The following ZNF207 variants were observed in gnomAD, a reference collection of about 807,000 sequenced individuals.
ZNF207 encodes the protein zinc finger protein 207.
A neutral mutation model predicts 60.2 loss-of-function variants in ZNF207; 24 were observed. That is an observed-to-expected ratio of 0.40 (90% CI 0.29 to 0.56). The LOEUF (loss-of-function observed/expected upper bound fraction) is 0.56. Among genes scored for constraint, ZNF207 ranks in the 20% least tolerant of loss-of-function variants. The pLI, the probability that ZNF207 is intolerant of heterozygous loss-of-function variation, is 0.49. For synonymous variants in ZNF207, 236 were observed against 194.7 expected (o/e 1.21, Z -1.77); for missense variants, 452 against 636.6 (o/e 0.71, Z 3.12).
Position 32,366,763 on chromosome 17 carries a change from C to A in ZNF207, c.921+6C>A. The A allele has an allele frequency of 6.3e-7, 1 of 1,590,100 alleles. No individual in the cohort carries two copies. Among genetic ancestry groups the A allele is most frequent in the Non-Finnish European group, 8.5e-7 (1 of 1,170,846 alleles). On this transcript the variant is annotated splice_donor_region_variant and intron_variant, in intron 9 of 11. Coordinates refer to ENST00000394670, the MANE Select transcript of ZNF207 (RefSeq NM_001098507.2). Reference sequence around the variant, plus strand: ...TGTTTCCTAGCACAGCACAAGTACGCAGGAAGTTGCAGTTTAAAATTGTTA... The same window carrying A: ...TGTTTCCTAGCACAGCACAAGTACGAAGGAAGTTGCAGTTTAAAATTGTTA...
At position 32,371,059 on chromosome 17, in the gene ZNF207, G is replaced by T. The variant is rs958290135; in HGVS notation, c.*1300G>T. The T allele has an allele frequency of 6.6e-6, 1 of 152,168 alleles. No homozygotes were observed. 9.4% of individuals were successfully genotyped at this position (152,168 alleles called of 1,614,324 possible). A position where few individuals can be genotyped will look rare whatever the true frequency, so the allele number is the denominator to read the frequency against. ...TTACAGAGAGCTTTTCTGTAGAGAT[G>T]ACTGCTATTCAATATTTTGTGTTGC... On this transcript the variant is annotated 3_prime_UTR_variant, in exon 12 of 12. Coordinates refer to ENST00000394670, the MANE Select transcript of ZNF207 (RefSeq NM_001098507.2).
At chr17:32,363,738 GC>G (rs1905017856) in intron 7 of ZNF207, among the ~76,000 whole-genome samples, 1 of 151,130 alleles carries the variant, frequency 6.6e-6, no homozygotes, top group African/African-American at 2.4e-5. Flanking sequence ...CGCCATGTCG[GC>G]CAGCTGGTCT....
chr17:32,360,429 A>G (rs2150794576), intron 3 of ZNF207, among the ~76,000 whole-genome samples, 169 bp from the exon 4 acceptor site: 1 of 152,288 alleles, frequency 6.6e-6, no homozygotes, highest in African/African-American at 2.4e-5. Flanking sequence ...ATCTTGTTTA[A>G]TATAGGGCGA....
chr17:32,357,995 G>A (rs1904650585), intron 2 of ZNF207, among the ~76,000 whole-genome samples: 1 of 151,980 alleles, frequency 6.6e-6, no homozygotes, highest in Non-Finnish European at 1.5e-5. Context: ...TGGCCAGGCT[G>A]GTCTCAAACT....
At position 32,366,596 on chromosome 17, in the gene ZNF207, C is replaced by G. The variant is rs1905173805; in HGVS notation, c.829-69C>G. 25 of 1,323,984 alleles carry G rather than the reference C, an allele frequency of 1.9e-5. No individual in the cohort carries two copies. In the East Asian group the frequency reaches 2.1e-4, roughly 11 times the overall value. 82.0% of individuals were successfully genotyped at this position (1,323,984 alleles called of 1,614,324 possible). ...ACAAATATGCAATCTACTAAAAAGT[C>G]TACCACATGGCTTATTTTGACCCAT... On this transcript the variant is annotated intron_variant, in intron 8 of 11. Coordinates refer to ENST00000394670, the MANE Select transcript of ZNF207 (RefSeq NM_001098507.2).
intron 1 of ZNF207, chr17:32,351,505 C>T (rs915622662): frequency 6.7e-6 from 10 of 1,495,696 alleles, no homozygotes; most frequent in Non-Finnish European, 8.8e-6. Context: ...ACAAAAGTTT[C>T]ACCGACATCT....
intron 1 of ZNF207, chr17:32,351,377 A>G (rs2041504501): frequency 9.7e-7 from 1 of 1,026,134 alleles, no homozygotes; most frequent in South Asian, 1.9e-5. Flanking sequence ...TTCCTAATCC[A>G]GTTATTGCTA....
At chr17:32,363,816 C>T (rs1175716193) in intron 7 of ZNF207, among the ~76,000 whole-genome samples, 1 of 151,714 alleles carries the variant, frequency 6.6e-6, no homozygotes, top group African/African-American at 2.4e-5. Context: ...CAGGCGTGAG[C>T]CACTGTGCCC....
intron 2 of ZNF207, among the ~76,000 whole-genome samples, chr17:32,356,887 T>C (rs1425387758): frequency 1.3e-5 from 2 of 152,258 alleles, no homozygotes; most frequent in East Asian, 3.9e-4. Context: ...AATAAACATG[T>C]TAAAGTGCCT....
At position 32,379,794 on chromosome 17, in the gene ZNF207, C is replaced by T. The variant is rs1310173776; in HGVS notation, c.*10035C>T. The T allele has an allele frequency of 1.3e-5, 2 of 152,112 alleles. No individual in the cohort carries two copies. Among genetic ancestry groups the T allele is most frequent in the African/African-American group, 4.8e-5 (2 of 41,426 alleles). The allele number at this position is 152,112 out of a possible 1,614,324, so 9.4% of individuals were successfully genotyped here. A position where few individuals can be genotyped will look rare whatever the true frequency, so the allele number is the denominator to read the frequency against. On this transcript the variant is annotated 3_prime_UTR_variant, in exon 12 of 12. Transcript: ENST00000394670. ...AGTTAGAAATACTGATTTCTGAGAC[C>T]ACGTATACCAGTGAAAATTAGCTTC...
In ZNF207 at chr17:32,370,587, T is replaced by C. The variant is rs1342003034; in HGVS notation, c.*828T>C. On this transcript the variant is annotated 3_prime_UTR_variant, in exon 12 of 12. Coordinates refer to ENST00000394670, the MANE Select transcript of ZNF207 (RefSeq NM_001098507.2). The stretch of plus-strand genomic sequence containing the variant: ...TTAAGATACATGAGTCATTACATAA[T>C]GGGTATGAAATCTTTATAATCACCC... 1.3e-5 allele frequency: 2 copies of C among 152,238 alleles called. No individual in the cohort carries two copies. The highest frequency in any genetic ancestry group is 2.9e-5 in the Non-Finnish European group (2 of 68,042). 9.4% of individuals were successfully genotyped at this position (152,238 alleles called of 1,614,324 possible).
intron 10 of ZNF207, chr17:32,369,023 A>G: frequency 2.9e-6 from 1 of 344,976 alleles, no homozygotes; most frequent in South Asian, 5.5e-5. Flanking sequence ...AAGAATGTTA[A>G]TAACAATACT....
chr17:32,359,500 G>A (rs908633214), intron 3 of ZNF207, among the ~76,000 whole-genome samples: 1 of 152,098 alleles, frequency 6.6e-6, no homozygotes, highest in South Asian at 2.1e-4. Flanking sequence ...TACCTGCTGA[G>A]GCCTCCCTAA....
At position 32,369,682 on chromosome 17, in the gene ZNF207, C is replaced by G. The variant is rs1905378202; in HGVS notation, c.1408C>G (p.Pro470Ala). 6.3e-7 allele frequency: 1 copy of G among 1,598,358 alleles called. No individual in the cohort carries two copies. The highest frequency in any genetic ancestry group is 8.5e-7 in the Non-Finnish European group (1 of 1,173,040). The change falls in exon 12 of 12, where the codon CCC becomes GCC. Residue 470 changes from proline (P) to alanine (A), a missense_variant. Physicochemically the swap from Pro to Ala is conservative, Grantham distance 27. Transcript: ENST00000394670. ...GTATGGGCAGGGACCGCCAATGGTG[C>G]CCCCTTACCAGGGTGGGCCTCCTCG... The part of the protein sequence containing the change: ...PPYGQGPPMV[P>A]PYQGGPPRPP...
At position 32,381,692 on chromosome 17, in the gene ZNF207, A is replaced by C. The variant is rs1196264614; in HGVS notation, c.*11933A>C. 6.6e-6 allele frequency: 1 copy of C among 152,178 alleles called. No individual in the cohort carries two copies. The highest frequency in any genetic ancestry group is 1.9e-4 in the East Asian group (1 of 5,196). 9.4% of individuals were successfully genotyped at this position (152,178 alleles called of 1,614,324 possible). A position where few individuals can be genotyped will look rare whatever the true frequency, so the allele number is the denominator to read the frequency against. On this transcript the variant is annotated 3_prime_UTR_variant, in exon 12 of 12. Transcript: ENST00000394670. Reference sequence around the variant, plus strand: ...TTAAGTAAGCCAAGTCTACCATTTGAAAAATGGTGCTTTATTTCCATATCT... The same window carrying C: ...TTAAGTAAGCCAAGTCTACCATTTGCAAAATGGTGCTTTATTTCCATATCT...
intron 10 of ZNF207, 84 bp from the exon 11 acceptor site, chr17:32,369,211 G>A (rs747483847): frequency 1.3e-4 from 193 of 1,492,286 alleles, no homozygotes; most frequent in Non-Finnish European, 1.6e-4. Context: ...TACTCTTAAC[G>A]TTGTAAGATT....
intron 9 of ZNF207, among the ~76,000 whole-genome samples, chr17:32,367,107 CT>C (rs1555608249): frequency 1.3e-5 from 2 of 151,216 alleles, no homozygotes; most frequent in Non-Finnish European, 1.5e-5. Flanking sequence ...TTGGCCTAGT[CT>C]ACATGTTTTA....
rs761859816 is a variant in ZNF207 at position 32,365,449 on chromosome 17, C to T, written c.790C>T (p.Pro264Ser). 6.2e-7 allele frequency: 1 copy of T among 1,614,158 alleles called. No individual in the cohort carries two copies. The highest frequency in any genetic ancestry group is 1.1e-5 in the South Asian group (1 of 91,090). ...AACAGCAACTGTACCTGCCCCACAGCCTCCAGTTACTAAGCCTCTTTTCCC... is the reference window on the plus strand; with the variant it reads ...AACAGCAACTGTACCTGCCCCACAGTCTCCAGTTACTAAGCCTCTTTTCCC... ...APTATVPAPQPPVTKPLFPSA... is the reference protein window; with the variant it reads ...APTATVPAPQSPVTKPLFPSA... Residue 264 changes from proline to serine, a missense_variant, in exon 8 of 12, where the codon CCT becomes TCT. Physicochemically the swap from Pro to Ser is moderately conservative, Grantham distance 74. Around this residue, in one of 2 missense-constraint regions of ZNF207, gnomAD observed 390 missense variants for 461.4 expected, o/e 0.85. Transcript: ENST00000394670.
rs949749510 is a variant in ZNF207, at chr17:32,363,623, C to T, written c.670+639C>T. 3.6e-5 allele frequency among the ~76,000 whole-genome samples: 5 copies of T among 139,764 alleles called. 1 individual carries two copies. The highest frequency in any genetic ancestry group is 4.3e-4 in the East Asian group (2 of 4,672). 91.7% of individuals were successfully genotyped at this position (139,764 alleles called of 152,430 possible). On this transcript the variant is annotated intron_variant, in intron 7 of 11. Coordinates refer to ENST00000394670, the MANE Select transcript of ZNF207 (RefSeq NM_001098507.2). ...CTCGGCTCACTGCAACCTCTGCTTC[C>T]GGGGTTCAAGTGATTCTCCTGCCTC... is the stretch of plus-strand genomic sequence containing the variant.
Sources: gnomAD v4.1 joint callset for allele counts (sites outside exome capture counted in the v4.1 genomes callset) on GRCh38, gnomAD v4.1.1 for gene constraint, gnomAD v4.1.1 regional missense constraint, MANE v1.5 for transcripts, NCBI Gene and HGNC (gene_info 2026-07-23, HGNC 2026-07-21) for gene names.